ST18: variants seen among roughly 807,000 people sequenced by gnomAD.
ST18 encodes ST18 C2H2C-type zinc finger transcription factor.
ST18 carries 50 observed loss-of-function variants against 110.0 expected under a neutral mutation model. The ratio of observed to expected loss-of-function variants is 0.45; its 90% CI spans 0.36 to 0.58. The LOEUF is 0.58. Among genes scored for constraint, ST18 ranks in the 20% least tolerant of loss-of-function variants. The probability of loss-of-function intolerance (pLI) is 0.00; values close to 1 mark genes in which losing one functional copy is unlikely to be tolerated. For synonymous variants in ST18, 461 were observed against 452.4 expected (o/e 1.02, Z -0.24); for missense variants, 1,306 against 1,280.1 (o/e 1.02, Z -0.31).
At chr8:52,331,412 C>A (rs1453858173) in intron 2 of ST18, among the ~76,000 whole-genome samples, 1 of 151,832 alleles carries the variant, frequency 6.6e-6, no homozygotes, top group African/African-American at 2.4e-5. Flanking sequence ...CATGTGAATA[C>A]AAAATTTATT....
intron 2 of ST18, among the ~76,000 whole-genome samples, chr8:52,272,795 G>C (rs1468213572): frequency 1.3e-5 from 2 of 152,164 alleles, no homozygotes; most frequent in African/African-American, 2.4e-5. Flanking sequence ...CCATAGTTAA[G>C]ATGTGAAAAC....
rs183359802 is a variant in ST18 at position 52,218,356 on chromosome 8, A to C, written c.-156-455T>G. 4.7e-3 allele frequency among the ~76,000 whole-genome samples: 715 copies of C among 151,426 alleles called. 7 individuals carry two copies. The highest frequency in any genetic ancestry group is 0.016 in the African/African-American group (679 of 41,262). On this transcript the variant is annotated intron_variant, in intron 5 of 25. Transcript: ENST00000689386. ...ATCGTAAAATTGTCTAGTTAGATAG[A>C]TATATCATGCAGGTAGCTACTCTTT... is the stretch of plus-strand genomic sequence containing the variant.
chr8:52,331,793 G>A (rs1041724157), intron 2 of ST18, among the ~76,000 whole-genome samples: 6 of 152,086 alleles, frequency 3.9e-5, no homozygotes, highest in Admixed American at 1.3e-4. Flanking sequence ...GTGGATGAGC[G>A]GTTGGCTTAA....
At chr8:52,343,280 G>A (rs1816044851) in intron 2 of ST18, among the ~76,000 whole-genome samples, 1 of 152,084 alleles carries the variant, frequency 6.6e-6, no homozygotes, top group Non-Finnish European at 1.5e-5. Flanking sequence ...GGAGAGTTGG[G>A]TTTTACTACC....
chr8:52,110,969 T>C lies in ST18; in HGVS notation c.*2229A>G, dbSNP rs2040386643. On this transcript the variant is annotated 3_prime_UTR_variant, in exon 26 of 26. Coordinates refer to ENST00000689386, the MANE Select transcript of ST18 (RefSeq NM_001352837.2). ...ACAAACTACCTCAAATTAAAAAAAA[T>C]GCATACATCATTGCCTTTTTGTTTA... 5.0e-6 allele frequency: 2 copies of C among 398,324 alleles called. No homozygotes were observed. The highest frequency in any genetic ancestry group is 4.1e-5 in the African/African-American group (2 of 48,550). 24.7% of individuals were successfully genotyped at this position (398,324 alleles called of 1,614,324 possible). A position where few individuals can be genotyped will look rare whatever the true frequency, so the allele number is the denominator to read the frequency against.
intron 2 of ST18, among the ~76,000 whole-genome samples, chr8:52,299,827 T>A (rs2095689791): frequency 6.6e-6 from 1 of 152,222 alleles, no homozygotes; most frequent in Non-Finnish European, 1.5e-5. Context: ...CATGGAAGTT[T>A]ACTTTTCTGC....
intron 6 of ST18, among the ~76,000 whole-genome samples, chr8:52,216,097 G>C (rs1049754010): frequency 6.6e-6 from 1 of 152,196 alleles, no homozygotes; most frequent in Non-Finnish European, 1.5e-5. Flanking sequence ...GATGAACTCC[G>C]TGAGTTTCTT....
intron 22 of ST18, among the ~76,000 whole-genome samples, chr8:52,127,715 T>G (rs1045327298): frequency 6.6e-6 from 1 of 152,076 alleles, no homozygotes; most frequent in East Asian, 1.9e-4. Flanking sequence ...AAGAATATAG[T>G]TATGAAAGAG....
chr8:52,159,522 T>C (rs1292070594), intron 14 of ST18, among the ~76,000 whole-genome samples: 1 of 151,954 alleles, frequency 6.6e-6, no homozygotes, highest in East Asian at 1.9e-4. Context: ...GTGATTCCAG[T>C]GGCGGAAAAA....
rs114704650 is a variant in ST18 at position 52,125,512 on chromosome 8, C to T, written c.2755+540G>A. Among the ~76,000 whole-genome samples, 361 of 152,238 alleles carry T rather than the reference C, an allele frequency of 2.4e-3. 1 individual carries two copies. Among genetic ancestry groups the T allele is most frequent in the African/African-American group, 8.2e-3 (339 of 41,548 alleles). ...TTGTTGTTTTGTTTAGAGATAGGGCCTCTCGCAGTTGTCCAGGCTGGAGTG... is the reference window on the plus strand; with the variant it reads ...TTGTTGTTTTGTTTAGAGATAGGGCTTCTCGCAGTTGTCCAGGCTGGAGTG... On this transcript the variant is annotated intron_variant, in intron 23 of 25. Coordinates refer to ENST00000689386, the MANE Select transcript of ST18 (RefSeq NM_001352837.2).
At chr8:52,291,500 T>C (rs1589662807) in intron 2 of ST18, among the ~76,000 whole-genome samples, 1 of 152,252 alleles carries the variant, frequency 6.6e-6, no homozygotes, top group Non-Finnish European at 1.5e-5. Flanking sequence ...TCTTGCAGTC[T>C]TTCTCTTTTG....
intron 2 of ST18, among the ~76,000 whole-genome samples, chr8:52,385,324 A>C (rs1321978715): frequency 6.6e-6 from 1 of 152,162 alleles, no homozygotes; most frequent in Non-Finnish European, 1.5e-5. Flanking sequence ...ACGACAAAGC[A>C]CACATAAGAG....
chr8:52,137,326 T>C (rs1046283915), intron 18 of ST18, 95 bp downstream of exon 18: 1 of 1,302,430 alleles, frequency 7.7e-7, no homozygotes, highest in Non-Finnish European at 1.1e-6. Context: ...ACTCATTTCC[T>C]GCTTCAGATA....
intron 25 of ST18, among the ~76,000 whole-genome samples, chr8:52,113,954 G>GTTTTTTTTTTTTTTTTTTTTTT (rs1158213340): frequency 2.2e-5 from 1 of 45,442 alleles, no homozygotes; most frequent in East Asian, 8.2e-4. Flanking sequence ...TTCATACCGT[G>GTTTTTTTTTTTTTTTTTTTTTT]TTTTTTTTTT....
chr8:52,294,993 A>G (rs944686154), intron 2 of ST18, among the ~76,000 whole-genome samples: 3 of 152,212 alleles, frequency 2.0e-5, no homozygotes, highest in Non-Finnish European at 4.4e-5. Context: ...CGTTTGTAAG[A>G]TGAACTTAGA....
chr8:52,187,657 A>C (rs2072855919), intron 8 of ST18, among the ~76,000 whole-genome samples: 1 of 152,218 alleles, frequency 6.6e-6, no homozygotes, highest in Admixed American at 6.5e-5. Context: ...TCCTTGACCT[A>C]GGAAAGGAAA....
At chr8:52,168,810 A>C (rs1016757260) in intron 10 of ST18, among the ~76,000 whole-genome samples, 6 of 152,152 alleles carry the variant, frequency 3.9e-5, no homozygotes, top group Admixed American at 2.6e-4. Flanking sequence ...ATAGTGCCAA[A>C]TTTCAAGTTG....
At chr8:52,398,880 G>A (rs1842018365) in intron 2 of ST18, among the ~76,000 whole-genome samples, 1 of 152,072 alleles carries the variant, frequency 6.6e-6, no homozygotes, top group South Asian at 2.1e-4. Context: ...ATTCATCAGA[G>A]AGACTGGCCT....
At chr8:52,267,497 A>AC (rs2094912840) in intron 2 of ST18, among the ~76,000 whole-genome samples, 1 of 151,234 alleles carries the variant, frequency 6.6e-6, no homozygotes, top group African/African-American at 2.4e-5. Context: ...AAAAAAAAAA[A>AC]AAAAAAACCC....
Sources: gnomAD v4.1 joint callset for allele counts (sites outside exome capture counted in the v4.1 genomes callset) on GRCh38, gnomAD v4.1.1 for gene constraint, MANE v1.5 for transcripts, NCBI Gene and HGNC (gene_info 2026-07-23, HGNC 2026-07-21) for gene names.